SMYD3: variants seen among roughly 807,000 people sequenced by gnomAD.
SMYD3 encodes the protein histone-lysine N-methyltransferase SMYD3.
Under a neutral mutation model 57.7 loss-of-function variants are expected in SMYD3, and 36 were observed. The ratio of observed to expected loss-of-function variants is 0.62; its 90% CI spans 0.48 to 0.82. The LOEUF is 0.82. SMYD3 is among the 40% of genes least tolerant of loss of function. SMYD3 has a pLI of 0.00. For missense variants in SMYD3, 515 were observed against 538.8 expected (o/e 0.96, Z 0.44); for synonymous variants, 211 against 195.0 (o/e 1.08, Z -0.68).
chr1:246,225,928 T>C (rs190621993), intron 5 of SMYD3, among the ~76,000 whole-genome samples: 4 of 152,384 alleles, frequency 2.6e-5, no homozygotes, highest in Admixed American at 2.6e-4. Context: ...GATGCTCTTC[T>C]AACTGGAAAT....
rs75026524 is a variant in SMYD3 at position 245,885,180 on chromosome 1, C to A, written c.814-21294G>T. ...GAAGTCAGCAAGACCATGAACCCAC[C>A]GGAAGGAAGAAACTCTGGACACATC... On this transcript the variant is annotated intron_variant, in intron 8 of 11. Coordinates refer to ENST00000490107, the MANE Select transcript of SMYD3 (RefSeq NM_001167740.2). Among the ~76,000 whole-genome samples the A allele has an allele frequency of 3.4e-3, 514 of 152,212 alleles. 4 individuals carry two copies. Among genetic ancestry groups the A allele is most frequent in the African/African-American group, 0.012 (489 of 41,512 alleles).
At chr1:246,492,935 T>C (rs2068293669) in intron 1 of SMYD3, among the ~76,000 whole-genome samples, 1 of 152,232 alleles carries the variant, frequency 6.6e-6, no homozygotes, top group African/African-American at 2.4e-5. Context: ...GGTTTAATCC[T>C]TATGTTTTCC....
intron 1 of SMYD3, among the ~76,000 whole-genome samples, chr1:246,375,370 C>T (rs10924711): frequency 0.06 from 7,494 of 124,134 alleles, 287 homozygotes; most frequent in African/African-American, 0.098. Flanking sequence ...AATTTTCAAC[C>T]TTCTCAGCAC....
At chr1:245,763,713 T>C (rs2045953739) in intron 11 of SMYD3, among the ~76,000 whole-genome samples, 1 of 152,120 alleles carries the variant, frequency 6.6e-6, no homozygotes, top group African/African-American at 2.4e-5. Flanking sequence ...CAAGGTCAAC[T>C]TGCTAAACGT....
chr1:246,419,586 T>C (rs1438480254), intron 1 of SMYD3, among the ~76,000 whole-genome samples: 1 of 152,156 alleles, frequency 6.6e-6, no homozygotes, highest in Non-Finnish European at 1.5e-5. Context: ...CCAGGGACCA[T>C]GCCCTCCTCT....
intron 9 of SMYD3, among the ~76,000 whole-genome samples, chr1:245,860,763 A>AT (rs1263513020): frequency 1.3e-5 from 2 of 152,210 alleles, no homozygotes; most frequent in African/African-American, 4.8e-5. Flanking sequence ...CAACGCACTG[A>AT]TTTTGTAACA....
At chr1:246,076,704 C>A (rs1312800841) in intron 5 of SMYD3, among the ~76,000 whole-genome samples, 2 of 148,746 alleles carry the variant, frequency 1.3e-5, no homozygotes, top group Admixed American at 6.7e-5. Context: ...TAATTCAATT[C>A]TCTTCCCTTT....
At chr1:246,402,425 A>G (rs1558446771) in intron 1 of SMYD3, among the ~76,000 whole-genome samples, 1 of 137,920 alleles carries the variant, frequency 7.3e-6, no homozygotes, top group South Asian at 2.4e-4. Context: ...CTGTGATTTC[A>G]GGGCACAAAT....
At chr1:246,157,308 C>T (rs764251187) in intron 5 of SMYD3, among the ~76,000 whole-genome samples, 39 of 152,144 alleles carry the variant, frequency 2.6e-4, no homozygotes, top group Non-Finnish European at 5.6e-4. Context: ...ATAATTAACT[C>T]GACAAGAGAA....
chr1:245,857,215 T>C (rs2051290254), intron 10 of SMYD3, among the ~76,000 whole-genome samples: 1 of 152,234 alleles, frequency 6.6e-6, no homozygotes, highest in Non-Finnish European at 1.5e-5. Context: ...AGGGTCAGGC[T>C]GGTGGCACTG....
chr1:245,911,517 A>G (rs1438994786), intron 8 of SMYD3, among the ~76,000 whole-genome samples: 1 of 151,402 alleles, frequency 6.6e-6, no homozygotes, highest in East Asian at 1.9e-4. Flanking sequence ...ATATACACAC[A>G]CATATACACA....
chr1:246,074,365 TA>T (rs60088316), intron 5 of SMYD3, among the ~76,000 whole-genome samples: 58 of 140,572 alleles, frequency 4.1e-4, no homozygotes, highest in Middle Eastern at 3.7e-3. Flanking sequence ...CAAAAAAAAT[TA>T]AAAAAAAAAA....
chr1:246,494,778 A>C (rs2068330149), intron 1 of SMYD3, among the ~76,000 whole-genome samples: 1 of 152,226 alleles, frequency 6.6e-6, no homozygotes. Flanking sequence ...ATCTATCATA[A>C]CCATGCCAAT....
intron 1 of SMYD3, among the ~76,000 whole-genome samples, chr1:246,499,425 C>CAT (rs772985491): frequency 4.6e-5 from 6 of 129,764 alleles, no homozygotes; most frequent in African/African-American, 1.7e-4. Context: ...CACACACACA[C>CAT]ATATATATAT....
At chr1:246,500,049 C>CACTACGT (rs1327914943) in intron 1 of SMYD3, among the ~76,000 whole-genome samples, 3 of 74,796 alleles carry the variant, frequency 4.0e-5, no homozygotes, top group East Asian at 2.4e-3. Flanking sequence ...CTGGATTCTG[C>CACTACGT]ACTACCATCA....
At chr1:246,009,743 G>A (rs2059244209) in intron 5 of SMYD3, among the ~76,000 whole-genome samples, 1 of 150,002 alleles carries the variant, frequency 6.7e-6, no homozygotes, top group African/African-American at 2.5e-5. Flanking sequence ...TGTGACCCCA[G>A]GCAGAGTAAC....
chr1:246,044,033 C>T (rs2059921872), intron 5 of SMYD3, among the ~76,000 whole-genome samples: 1 of 152,124 alleles, frequency 6.6e-6, no homozygotes, highest in Admixed American at 6.5e-5. Flanking sequence ...TCTCTCACAC[C>T]TCAGTGAGGT....
At chr1:246,397,522 T>C (rs192737706) in intron 1 of SMYD3, among the ~76,000 whole-genome samples, 1 of 152,184 alleles carries the variant, frequency 6.6e-6, no homozygotes, top group Admixed American at 6.5e-5. Flanking sequence ...TACTTATCCA[T>C]CATGGAAAAA....
intron 5 of SMYD3, among the ~76,000 whole-genome samples, chr1:246,220,576 A>C (rs2063237899): frequency 6.6e-6 from 1 of 151,968 alleles, no homozygotes; most frequent in Non-Finnish European, 1.5e-5. Context: ...ATCGATGCCC[A>C]CTCCGACCTG....
Sources: allele counts gnomAD v4.1 joint callset (sites outside exome capture counted in the v4.1 genomes callset), GRCh38; gene constraint gnomAD v4.1.1; transcripts MANE v1.5; gene names NCBI Gene and HGNC (gene_info 2026-07-23, HGNC 2026-07-21).